The following OPCML variants were observed in gnomAD, a reference collection of about 807,000 sequenced individuals.
OPCML encodes opioid-binding protein/cell adhesion molecule.
A neutral mutation model predicts 37.8 loss-of-function variants in OPCML; 13 were observed. The observed-to-expected ratio is 0.34, with a 90% CI of 0.22 to 0.55. The LOEUF is 0.55. Ranked by LOEUF, OPCML falls within the 20% of genes least tolerant of loss-of-function variation. OPCML has a pLI of 0.91. For missense variants in OPCML, 341 were observed against 435.6 expected (o/e 0.78, Z 1.93); for synonymous variants, 176 against 168.8 (o/e 1.04, Z -0.33).
intron 7 of OPCML, among the ~76,000 whole-genome samples, chr11:132,435,450 G>A (rs1177051449): frequency 1.3e-5 from 2 of 152,228 alleles, no homozygotes; most frequent in Non-Finnish European, 2.9e-5. Flanking sequence ...CTGGCCCATG[G>A]TGTGAAATGT....
At position 133,120,792 on chromosome 11, in the gene OPCML, T is replaced by C. The variant is rs117845025; in HGVS notation, c.62-177782A>G. On this transcript the variant is annotated intron_variant, in intron 1 of 7. Coordinates refer to ENST00000524381, the MANE Select transcript of OPCML (RefSeq NM_001012393.5). ...ACTATGATCACATACATCTCAGAAG[T>C]TTTCCCAGCTGGTGAGAGATGATCT... Among the ~76,000 whole-genome samples the C allele has an allele frequency of 7.9e-3, 1,200 of 152,242 alleles. 9 individuals are homozygous for C. The highest frequency in any genetic ancestry group is 0.014 in the Non-Finnish European group (935 of 68,022).
intron 1 of OPCML, among the ~76,000 whole-genome samples, chr11:133,080,564 T>C (rs576829153): frequency 1.3e-5 from 2 of 151,374 alleles, no homozygotes; most frequent in Middle Eastern, 6.9e-3. Flanking sequence ...AGACGGTTAG[T>C]TGAGAGGACA....
intron 1 of OPCML, among the ~76,000 whole-genome samples, chr11:133,251,101 G>A (rs2136433620): frequency 6.6e-6 from 1 of 152,122 alleles, no homozygotes; most frequent in East Asian, 1.9e-4. Flanking sequence ...GTTTATATAG[G>A]GAATTCCACA....
chr11:133,448,342 C>T (rs1946512334), intron 1 of OPCML, among the ~76,000 whole-genome samples: 1 of 152,190 alleles, frequency 6.6e-6, no homozygotes, highest in African/African-American at 2.4e-5. Context: ...CTCAGTTGAC[C>T]ATAAATAACA....
At chr11:133,115,419 G>GA (rs1422029307) in intron 1 of OPCML, among the ~76,000 whole-genome samples, 2 of 152,232 alleles carry the variant, frequency 1.3e-5, no homozygotes, top group African/African-American at 2.4e-5. Flanking sequence ...TCTCCCCGGA[G>GA]TAGATTCAGT....
intron 1 of OPCML, among the ~76,000 whole-genome samples, chr11:133,155,793 G>C (rs1022278976): frequency 2.6e-5 from 4 of 151,978 alleles, no homozygotes; most frequent in African/African-American, 9.7e-5. Flanking sequence ...TCCTCCTCCA[G>C]TCCCCATTTT....
chr11:132,816,775 A>T (rs1345263907), intron 2 of OPCML, among the ~76,000 whole-genome samples: 1 of 152,218 alleles, frequency 6.6e-6, no homozygotes, highest in African/African-American at 2.4e-5. Context: ...TAGGATAGAG[A>T]TAACAACTCT....
chr11:132,714,864 G>A (rs1013930986), intron 2 of OPCML, among the ~76,000 whole-genome samples: 4 of 152,136 alleles, frequency 2.6e-5, no homozygotes, highest in Non-Finnish European at 5.9e-5. Flanking sequence ...AGGATGATGT[G>A]GAAGATAACA....
At chr11:133,351,876 T>C (rs1243433192) in intron 1 of OPCML, among the ~76,000 whole-genome samples, 2 of 152,104 alleles carry the variant, frequency 1.3e-5, no homozygotes, top group Non-Finnish European at 2.9e-5. Context: ...GACACTACCA[T>C]CCAGCCAGCT....
At chr11:132,676,425 T>A (rs1440918027) in intron 2 of OPCML, among the ~76,000 whole-genome samples, 1 of 151,880 alleles carries the variant, frequency 6.6e-6, no homozygotes, top group Non-Finnish European at 1.5e-5. Context: ...AATAAAAAAA[T>A]TGATAAATTG....
intron 1 of OPCML, among the ~76,000 whole-genome samples, chr11:133,394,332 C>G (rs1280905817): frequency 6.6e-6 from 1 of 152,136 alleles, no homozygotes; most frequent in East Asian, 1.9e-4. Context: ...TATTTTGGTA[C>G]AGGCAATGTA....
chr11:133,516,316 G>A (rs1948270827), intron 1 of OPCML, among the ~76,000 whole-genome samples: 2 of 152,196 alleles, frequency 1.3e-5, no homozygotes, highest in African/African-American at 2.4e-5. Flanking sequence ...CCAGATAGTG[G>A]CTGAGAGAAC....
intron 4 of OPCML, among the ~76,000 whole-genome samples, chr11:132,442,293 C>G (rs2096038663): frequency 6.6e-6 from 1 of 152,160 alleles, no homozygotes; most frequent in Non-Finnish European, 1.5e-5. Flanking sequence ...AGAAACCTAA[C>G]TATTTGGGGA....
chr11:132,637,751 C>A (rs1028138987), intron 3 of OPCML, among the ~76,000 whole-genome samples: 7 of 152,100 alleles, frequency 4.6e-5, no homozygotes, highest in Non-Finnish European at 1.0e-4. Flanking sequence ...TAGAACCTGG[C>A]AGTGCTCAGG....
rs1305922143 is a variant in OPCML, at chr11:133,174,946, T to A, written c.62-231936A>T. Among the ~76,000 whole-genome samples the A allele has an allele frequency of 2.0e-5, 3 of 152,144 alleles. No homozygotes were observed. Among genetic ancestry groups the A allele is most frequent in the Admixed American group, 6.5e-5 (1 of 15,280 alleles). On this transcript the variant is annotated intron_variant, in intron 1 of 7. Coordinates refer to ENST00000524381, the MANE Select transcript of OPCML (RefSeq NM_001012393.5). This position sits in a 1 kb window ranked among gnomAD's most constrained non-coding sequence, Gnocchi z 4.6. ...GTGAGACTCCTGTCTCTACAAAAAA[T>A]TTTTAAAAAGTAACTGTACATGGTG...
intron 2 of OPCML, among the ~76,000 whole-genome samples, chr11:132,760,696 T>C (rs1283248164): frequency 6.6e-6 from 1 of 152,054 alleles, no homozygotes. Context: ...ATGTGTGTCT[T>C]TGCACGTGAG....
chr11:132,622,854 G>T (rs897085761), intron 3 of OPCML, among the ~76,000 whole-genome samples: 8 of 152,142 alleles, frequency 5.3e-5, no homozygotes, highest in African/African-American at 1.9e-4. Flanking sequence ...CCATGCAGTG[G>T]ACAGGAAAAG....
chr11:133,279,553 T>C (rs1464498837), intron 1 of OPCML, among the ~76,000 whole-genome samples: 1 of 152,074 alleles, frequency 6.6e-6, no homozygotes, highest in Non-Finnish European at 1.5e-5. Context: ...TCTGCCAGAG[T>C]TCCCTGCAGC....
chr11:132,676,028 C>T (rs567101493), intron 2 of OPCML, among the ~76,000 whole-genome samples: 19 of 152,210 alleles, frequency 1.2e-4, no homozygotes, highest in African/African-American at 4.6e-4. Flanking sequence ...TCACACTTTC[C>T]AATGTTAAAG....
Sources: gnomAD v4.1 joint callset for allele counts (sites outside exome capture counted in the v4.1 genomes callset) on GRCh38, gnomAD v4.1.1 for gene constraint, Gnocchi (gnomAD v3.1) non-coding constraint, MANE v1.5 for transcripts, NCBI Gene and HGNC (gene_info 2026-07-23, HGNC 2026-07-21) for gene names.